Variants in MED6 observed in about 807,000 individuals in gnomAD.
The protein encoded by MED6 is mediator of RNA polymerase II transcription subunit 6.
A neutral mutation model predicts 37.5 loss-of-function variants in MED6; 33 were observed. The observed-to-expected ratio is 0.88, with a 90% CI of 0.67 to 1.18. The LOEUF is 1.18. MED6 is among the 50% of genes most tolerant of loss of function. The pLI is 0.00. For missense variants in MED6, 235 were observed against 290.6 expected (o/e 0.81, Z 1.39); for synonymous variants, 94 against 93.6 (o/e 1.00, Z -0.02).
Position 70,583,398 on chromosome 14 carries a change from G to T in MED6, c.*1415C>A, listed in dbSNP as rs1414688516. On this transcript the variant is annotated 3_prime_UTR_variant, in exon 8 of 8. Coordinates refer to ENST00000256379, the MANE Select transcript of MED6 (RefSeq NM_005466.4). ...GCTACTTAACACTAAAAACATAAATGACAAAATTCAGTGGTAGCAATTCTG... is the reference window on the plus strand; with the variant it reads ...GCTACTTAACACTAAAAACATAAATTACAAAATTCAGTGGTAGCAATTCTG... 6.6e-6 allele frequency: 1 copy of T among 152,118 alleles called. No homozygotes were observed. Among genetic ancestry groups the T allele is most frequent in the Non-Finnish European group, 1.5e-5 (1 of 67,996 alleles). 9.4% of individuals were successfully genotyped at this position (152,118 alleles called of 1,614,324 possible).
chr14:70,588,236 G>A (rs1188913415), intron 6 of MED6, among the ~76,000 whole-genome samples: 2 of 152,134 alleles, frequency 1.3e-5, no homozygotes, highest in Non-Finnish European at 2.9e-5. Flanking sequence ...ACACAGAGCT[G>A]GATATACTCT....
chr14:70,593,079 A>G, intron 4 of MED6, 91 bp from the exon 5 acceptor site: 1 of 1,540,868 alleles, frequency 6.5e-7, no homozygotes, highest in Admixed American at 1.8e-5. Flanking sequence ...ATGCAAAGAC[A>G]GAACCTATTT....
chr14:70,588,609 C>G (rs987949921), intron 6 of MED6, among the ~76,000 whole-genome samples: 1 of 151,500 alleles, frequency 6.6e-6, no homozygotes, highest in African/African-American at 2.4e-5. Context: ...TGGCGTGAAC[C>G]TGGGAGGTGG....
chr14:70,590,841 T>C (rs11158869), intron 6 of MED6, among the ~76,000 whole-genome samples: 18,496 of 152,278 alleles, frequency 0.12, 1,372 homozygotes, highest in Admixed American at 0.16. Flanking sequence ...CCAAACACTC[T>C]ACCTCAGATG....
At chr14:70,587,761 T>C (rs10483830) in intron 6 of MED6, among the ~76,000 whole-genome samples, 17,498 of 152,228 alleles carry the variant, frequency 0.11, 1,455 homozygotes, top group East Asian at 0.49. Flanking sequence ...ATAATCCTAG[T>C]TGAAGTAATA....
At position 70,591,528 on chromosome 14, in the gene MED6, C is replaced by T. The variant is rs1595049898; in HGVS notation, c.467-147G>A. Reference sequence around the variant, plus strand: ...AAGATAATTCCCAAAATAAGGTAAACACAGCACATATACAGAAGTGTTGTT... The same window carrying T: ...AAGATAATTCCCAAAATAAGGTAAATACAGCACATATACAGAAGTGTTGTT... On this transcript the variant is annotated intron_variant, in intron 5 of 7. Coordinates refer to ENST00000256379, the MANE Select transcript of MED6 (RefSeq NM_005466.4). The T allele has an allele frequency of 4.8e-6, 3 of 620,324 alleles. No individual in the cohort carries two copies. The South Asian group carries it at 5.8e-5, about 12-fold the overall frequency. The allele number at this position is 620,324 out of a possible 1,614,324, so 38.4% of individuals were successfully genotyped here.
intron 3 of MED6, chr14:70,594,689 C>A: frequency 2.2e-6 from 1 of 456,192 alleles, no homozygotes; most frequent in South Asian, 1.8e-5. Flanking sequence ...CCCAGATCTC[C>A]GTGTCCCGCT....
At chr14:70,592,478 C>CTTTTTTTTTTTTTTTTTTTTTTTTTTTTT (rs201036704) in intron 5 of MED6, 1 of 88,836 alleles carries the variant, frequency 1.1e-5, no homozygotes, top group African/African-American at 5.9e-5. Context: ...TCCTATGTTC[C>CTTTTTTTTTTTTTTTTTTTTTTTTTTTTT]TTTTTTTTTT....
At chr14:70,594,308 T>C (rs963851441) in intron 3 of MED6, among the ~76,000 whole-genome samples, 1 of 152,174 alleles carries the variant, frequency 6.6e-6, no homozygotes, top group Non-Finnish European at 1.5e-5. Context: ...AAACCAAATC[T>C]GGACTCTACA....
Position 70,597,710 on chromosome 14 carries a change from C to A in MED6, c.90G>T (p.Leu30=). 11 of 1,563,340 alleles carry A rather than the reference C, an allele frequency of 7.0e-6. No homozygotes were observed. The highest frequency in any genetic ancestry group is 8.6e-6 in the Non-Finnish European group (10 of 1,163,096). ...WIPILNSGSV[L]DYFSERSNPF... ...GATTACTTCTTTCTGAAAAGTAATC[C>A]AGGACACTACCACTGTTCAAAATAG... The change falls in exon 2 of 8, where the codon CTG becomes CTT. Residue 30 remains leucine (L), a synonymous_variant. Coordinates refer to ENST00000256379, the MANE Select transcript of MED6 (RefSeq NM_005466.4).
chr14:70,599,003 T>C (rs942884689), intron 1 of MED6, among the ~76,000 whole-genome samples: 2 of 152,250 alleles, frequency 1.3e-5, no homozygotes, highest in Admixed American at 6.5e-5. Flanking sequence ...TAGAGCTAGA[T>C]ACTTTTAATA....
At chr14:70,595,950 G>GA (rs1199693800) in intron 3 of MED6, among the ~76,000 whole-genome samples, 1 of 152,252 alleles carries the variant, frequency 6.6e-6, no homozygotes, top group African/African-American at 2.4e-5. Flanking sequence ...TGTGCTCACA[G>GA]AAAGAGGTAG....
At chr14:70,588,384 G>C (rs1033695075) in intron 6 of MED6, among the ~76,000 whole-genome samples, 1 of 151,962 alleles carries the variant, frequency 6.6e-6, no homozygotes, top group African/African-American at 2.4e-5. Flanking sequence ...TCTGCAGTCT[G>C]CTTAAAAATA....
chr14:70,592,595 T>C (rs1137490), intron 5 of MED6: 55,822 of 209,492 alleles, frequency 0.27, 11,382 homozygotes, highest in African/African-American at 0.6. Context: ...TCCAAAGTGC[T>C]GGGATTACAG....
At chr14:70,585,372 C>T (rs1475187121) in intron 7 of MED6, among the ~76,000 whole-genome samples, 1 of 150,564 alleles carries the variant, frequency 6.6e-6, no homozygotes, top group African/African-American at 2.5e-5. Context: ...CTACCACAAT[C>T]ACTACCACAA....
At position 70,587,512 on chromosome 14, in the gene MED6, G is replaced by A. The variant is rs186095791; in HGVS notation, c.583-1729C>T. ...GAGAGGAAACATAGGGAGGAACATT[G>A]AGGAGAGTAAAAAATTTGAAAAGGG... On this transcript the variant is annotated intron_variant, in intron 6 of 7. Transcript: ENST00000256379. Among the ~76,000 whole-genome samples the A allele has an allele frequency of 2.3e-3, 345 of 152,262 alleles. 1 individual carries two copies. The highest frequency in any genetic ancestry group is 0.01 in the Middle Eastern group (3 of 294).
chr14:70,599,578 T>C (rs10131740), intron 1 of MED6, among the ~76,000 whole-genome samples: 55,800 of 151,982 alleles, frequency 0.37, 13,552 homozygotes, highest in African/African-American at 0.68. Flanking sequence ...CCTTTCTGAC[T>C]TCATCTCCTT....
At chr14:70,600,101 C>A (rs1885161240) in intron 1 of MED6, among the ~76,000 whole-genome samples, 1 of 152,006 alleles carries the variant, frequency 6.6e-6, no homozygotes, top group Non-Finnish European at 1.5e-5. Flanking sequence ...GAAAAAAATA[C>A]GACCCCTGCC....
chr14:70,597,037 AATAC>A (rs1885069112), intron 2 of MED6, among the ~76,000 whole-genome samples: 1 of 152,242 alleles, frequency 6.6e-6, no homozygotes, highest in South Asian at 2.1e-4. Context: ...CAAATCTACG[AATAC>A]ATACAAAATA....
Sources: gnomAD v4.1 joint callset for allele counts (sites outside exome capture counted in the v4.1 genomes callset) on GRCh38, gnomAD v4.1.1 for gene constraint, MANE v1.5 for transcripts, NCBI Gene and HGNC (gene_info 2026-07-23, HGNC 2026-07-21) for gene names.